Variants in EYS observed in about 807,000 individuals in gnomAD.
EYS encodes the protein protein eyes shut homolog.
A neutral mutation model predicts 282.1 loss-of-function variants in EYS; 250 were observed. The ratio of observed to expected loss-of-function variants is 0.89; its 90% CI spans 0.80 to 0.98. The LOEUF is 0.98. EYS is among the 50% of genes least tolerant of loss of function. The pLI, the probability that EYS is intolerant of heterozygous loss-of-function variation, is 0.00. For missense variants in EYS, 4,016 were observed against 3,709.0 expected, an observed-to-expected ratio of 1.08 and a Z score of -2.15; for synonymous variants, 1,355 against 1,282.9, an observed-to-expected ratio of 1.06 and a Z score of -1.20.
At chr6:65,006,817 C>A (rs983577180) in intron 13 of EYS, among the ~76,000 whole-genome samples, 1 of 152,144 alleles carries the variant, frequency 6.6e-6, no homozygotes, top group Non-Finnish European at 1.5e-5. Context: ...AATAATTGGT[C>A]TCCTCAAAGG....
chr6:64,632,284 T>G (rs887047620), intron 22 of EYS, among the ~76,000 whole-genome samples: 2 of 136,604 alleles, frequency 1.5e-5, no homozygotes. Flanking sequence ...CACAACTACA[T>G]ATAACTTATT....
intron 11 of EYS, among the ~76,000 whole-genome samples, chr6:65,328,136 T>C (rs1769676366): frequency 6.6e-6 from 1 of 151,466 alleles, no homozygotes; most frequent in South Asian, 2.1e-4. Context: ...TTGCCTGAAC[T>C]GTTCTGTGCA....
intron 30 of EYS, among the ~76,000 whole-genome samples, chr6:64,270,499 A>C (rs1250069416): frequency 6.6e-6 from 1 of 152,124 alleles, no homozygotes; most frequent in African/African-American, 2.4e-5. Flanking sequence ...TAAAAATTAA[A>C]AGTGGAGAAA....
intron 13 of EYS, among the ~76,000 whole-genome samples, chr6:65,010,134 A>C (rs1771820127): frequency 6.6e-6 from 1 of 152,218 alleles, no homozygotes; most frequent in Non-Finnish European, 1.5e-5. Flanking sequence ...ACAGAAAAGA[A>C]CAGGAATAGC....
chr6:65,280,172 T>G (rs1188380455), intron 12 of EYS, among the ~76,000 whole-genome samples: 3 of 152,124 alleles, frequency 2.0e-5, no homozygotes. Flanking sequence ...ATCTCTAAAA[T>G]AATGTTACTA....
chr6:65,566,618 T>A (rs1387073543), intron 2 of EYS, among the ~76,000 whole-genome samples: 1 of 152,092 alleles, frequency 6.6e-6, no homozygotes, highest in Non-Finnish European at 1.5e-5. Context: ...TTGCCACCAG[T>A]AACAAAAGTT....
At chr6:65,248,244 T>C (rs1767231768) in intron 12 of EYS, among the ~76,000 whole-genome samples, 1 of 152,112 alleles carries the variant, frequency 6.6e-6, no homozygotes, top group African/African-American at 2.4e-5. Context: ...ATTTGAGTAA[T>C]AGGCAATAAC....
chr6:64,662,289 C>T (rs983260344), intron 22 of EYS, among the ~76,000 whole-genome samples: 2 of 151,214 alleles, frequency 1.3e-5, no homozygotes, highest in African/African-American at 2.4e-5. Context: ...TGTTAAATGA[C>T]GAGTTACTGG....
intron 22 of EYS, among the ~76,000 whole-genome samples, chr6:64,685,002 T>C (rs1770038905): frequency 1.3e-5 from 2 of 152,032 alleles, no homozygotes; most frequent in African/African-American, 4.8e-5. Flanking sequence ...ATTTTCCAAA[T>C]AGATAAGTCT....
chr6:64,966,802 T>C (rs1294692665), intron 14 of EYS, among the ~76,000 whole-genome samples: 1 of 152,202 alleles, frequency 6.6e-6, no homozygotes, highest in African/African-American at 2.4e-5. Flanking sequence ...ATGTCCTCAA[T>C]ATCCTTAATT....
chr6:64,681,907 T>C (rs919017378), intron 22 of EYS, among the ~76,000 whole-genome samples: 2 of 152,170 alleles, frequency 1.3e-5, no homozygotes, highest in African/African-American at 4.8e-5. Flanking sequence ...TGGGAATACA[T>C]GTTTTTGCAA....
At chr6:65,173,761 C>T (rs988073324) in intron 12 of EYS, among the ~76,000 whole-genome samples, 1 of 151,082 alleles carries the variant, frequency 6.6e-6, no homozygotes, top group Non-Finnish European at 1.5e-5. Context: ...AGATGTAATT[C>T]TGTTGTATGA....
chr6:64,213,046 G>T (rs531315745), intron 31 of EYS, among the ~76,000 whole-genome samples: 2 of 152,012 alleles, frequency 1.3e-5, no homozygotes, highest in South Asian at 4.1e-4. Flanking sequence ...CCTTATAAGT[G>T]GGGATACATA....
At chr6:64,417,406 TG>T (rs1176890259) in intron 28 of EYS, among the ~76,000 whole-genome samples, 1 of 152,116 alleles carries the variant, frequency 6.6e-6, no homozygotes, top group Non-Finnish European at 1.5e-5. Flanking sequence ...TCCAGAAACT[TG>T]TTTTAATTGG....
At chr6:63,864,086 A>G in intron 36 of EYS, 100 bp downstream of exon 36, 2 of 1,110,054 alleles carry the variant, frequency 1.8e-6, no homozygotes, top group Non-Finnish European at 1.2e-6. Context: ...GATTTGATGT[A>G]TTTGATCAGT....
intron 28 of EYS, among the ~76,000 whole-genome samples, chr6:64,402,121 C>T (rs1773554816): frequency 6.6e-6 from 1 of 152,084 alleles, no homozygotes; most frequent in South Asian, 2.1e-4. Context: ...TGATATATTA[C>T]TTATAATTAA....
intron 2 of EYS, among the ~76,000 whole-genome samples, chr6:65,590,589 C>T (rs1765195494): frequency 6.6e-6 from 1 of 152,006 alleles, no homozygotes; most frequent in South Asian, 2.1e-4. Flanking sequence ...CTTGCTATCT[C>T]ACTGTAACTT....
chr6:65,443,861 T>C (rs1315611003), intron 5 of EYS, among the ~76,000 whole-genome samples: 1 of 151,886 alleles, frequency 6.6e-6, no homozygotes, highest in East Asian at 1.9e-4. Context: ...TAAGTCTAAA[T>C]TAAATGAAAA....
chr6:65,354,821 C>CA (rs905034021), intron 8 of EYS, among the ~76,000 whole-genome samples: 11 of 146,868 alleles, frequency 7.5e-5, no homozygotes, highest in African/African-American at 2.3e-4. Context: ...GACTTTGTCT[C>CA]AAAAAAAATG....
Sources: allele counts gnomAD v4.1 joint callset (sites outside exome capture counted in the v4.1 genomes callset), GRCh38; gene constraint gnomAD v4.1.1; transcripts MANE v1.5; gene names NCBI Gene and HGNC (gene_info 2026-07-23, HGNC 2026-07-21).